Variants in DPF1 observed in about 807,000 individuals in gnomAD.
The protein encoded by DPF1 is double PHD fingers 1.
DPF1 carries 14 observed loss-of-function variants against 58.7 expected under a neutral mutation model. The ratio of observed to expected loss-of-function variants is 0.24; its 90% CI spans 0.16 to 0.37. The LOEUF (loss-of-function observed/expected upper bound fraction) is 0.37. Among genes scored for constraint, DPF1 ranks in the 10% least tolerant of loss-of-function variants. DPF1 has a pLI of 1.00. For synonymous variants in DPF1, 216 were observed against 216.0 expected, an observed-to-expected ratio of 1.00 and a Z score of 0.00; for missense variants, 345 against 529.9, an observed-to-expected ratio of 0.65 and a Z score of 3.43.
chr19:38,211,746 C>A lies in DPF1; in HGVS notation c.*317G>T, dbSNP rs1374542021. The A allele has an allele frequency of 1.2e-5, 4 of 334,704 alleles. No homozygotes were observed. The highest frequency in any genetic ancestry group is 9.4e-5 in the East Asian group (2 of 21,334). The allele number at this position is 334,704 out of a possible 1,614,324, so 20.7% of individuals were successfully genotyped here. ...TTTTGTCTTTTTCTTTAGAAAAAGG[C>A]TCTGTCCATGCCCCTGGCTGGCACC... On this transcript the variant is annotated 3_prime_UTR_variant, in exon 12 of 12. Transcript: ENST00000355526. This position sits in a 1 kb window ranked among gnomAD's most constrained non-coding sequence, Gnocchi z 4.0.
chr19:38,226,529 C>CACAT (rs1836602495), upstream of DPF1, among the ~76,000 whole-genome samples: 3 of 150,894 alleles, frequency 2.0e-5, no homozygotes, highest in Non-Finnish European at 4.4e-5. Context: ...CACACACACA[C>CACAT]ACACACACAC....
At chr19:38,219,310 T>C in intron 3 of DPF1, 1 of 524,950 alleles carries the variant, frequency 1.9e-6, no homozygotes, top group Non-Finnish European at 3.4e-6. Flanking sequence ...AAGACACAGT[T>C]AGGCCATCAG....
In DPF1 at chr19:38,223,025, G is replaced by A. The variant is rs371764923; in HGVS notation, c.30-317C>T. ...CAACACAAATCACACACAGTCACAC[G>A]GGATTCACACACAAAGAGAGACAAA... On this transcript the variant is annotated intron_variant, in intron 1 of 11. Transcript: ENST00000355526. 2.0e-5 allele frequency: 7 copies of A among 358,764 alleles called. No individual in the cohort carries two copies. The South Asian group carries it at 2.7e-4, about 14-fold the overall frequency. The allele number at this position is 358,764 out of a possible 1,614,324, so 22.2% of individuals were successfully genotyped here.
chr19:38,212,030 C>T lies in DPF1; in HGVS notation c.*33G>A, dbSNP rs769468464. 3 of 1,597,950 alleles carry T rather than the reference C, an allele frequency of 1.9e-6. No individual in the cohort carries two copies. The highest frequency in any genetic ancestry group is 2.3e-5 in the South Asian group (2 of 88,538). ...GAGCTCGGAGAGGCAGGTAGGCGAG[C>T]ACCACCCCAGAGTCGCGGCGAGCCG... On this transcript the variant is annotated 3_prime_UTR_variant, in exon 12 of 12. Transcript: ENST00000355526.
At position 38,222,253 on chromosome 19, in the gene DPF1, C is replaced by T; in HGVS notation, c.298+104G>A. ...GCACATGGGCAGACAGACACACAGCCAGCCAGGCAGACACTTGCTAGAAGG... is the reference window on the plus strand; with the variant it reads ...GCACATGGGCAGACAGACACACAGCTAGCCAGGCAGACACTTGCTAGAAGG... On this transcript the variant is annotated intron_variant, in intron 3 of 11. Transcript: ENST00000355526. The surrounding 1 kb of genome is among the most constrained non-coding windows in gnomAD (Gnocchi z 4.9). 1 of 1,045,518 alleles carries T rather than the reference C, an allele frequency of 9.6e-7. No individual in the cohort carries two copies. Among genetic ancestry groups the T allele is most frequent in the Non-Finnish European group, 1.4e-6 (1 of 714,928 alleles). 64.8% of individuals were successfully genotyped at this position (1,045,518 alleles called of 1,614,324 possible). A position where few individuals can be genotyped will look rare whatever the true frequency, so the allele number is the denominator to read the frequency against.
At chr19:38,228,654 G>A (rs947606321), upstream of DPF1, 1 of 152,440 alleles carries the variant, frequency 6.6e-6, no homozygotes, top group Non-Finnish European at 1.5e-5. Context: ...GGTGGGGAGC[G>A]CTGGGACGTG....
Position 38,217,822 on chromosome 19 carries a change from G to A in DPF1, c.571C>T (p.Arg191Ter), listed in dbSNP as rs781399025. The change falls in exon 6 of 12, where the codon CGA becomes TGA. Residue 191 changes from arginine to a stop codon, truncating the protein, a stop_gained. Coordinates refer to ENST00000355526, the MANE Select transcript of DPF1 (RefSeq NM_001135155.3). LOFTEE classifies it high-confidence loss of function. Reference protein sequence around the residue: ...KRQDTASLEDRDKPYVCDICG... With the variant: ...KRQDTASLED Reference sequence around the variant, plus strand: ...CTATCACAGACATACGGCTTGTCTCGGTCCTCCAGGGAAGCGGTGTCCTGG... The same window carrying A: ...CTATCACAGACATACGGCTTGTCTCAGTCCTCCAGGGAAGCGGTGTCCTGG... The A allele has an allele frequency of 6.2e-7, 1 of 1,613,984 alleles. No homozygotes were observed. The highest frequency in any genetic ancestry group is 8.5e-7 in the Non-Finnish European group (1 of 1,180,004).
intron 7 of DPF1, among the ~76,000 whole-genome samples, chr19:38,216,964 G>T (rs1967066199): frequency 6.6e-6 from 1 of 152,210 alleles, no homozygotes; most frequent in Non-Finnish European, 1.5e-5. Flanking sequence ...AGGTGCGTGG[G>T]TGTGTAGTGG....
chr19:38,227,830 C>G (rs1208557488), upstream of DPF1: 7 of 152,318 alleles, frequency 4.6e-5, no homozygotes, highest in African/African-American at 1.7e-4. Context: ...CTCCTTCTCC[C>G]CAGGGGATTT....
At chr19:38,216,308 G>A (rs755022549) in intron 8 of DPF1, 45 bp downstream of exon 8, 17 of 1,608,878 alleles carry the variant, frequency 1.1e-5, no homozygotes, top group African/African-American at 6.7e-5. Flanking sequence ...AGGGCACCCC[G>A]CAAAGGTGGC....
chr19:38,215,570 T>C (rs1966957471), intron 9 of DPF1, among the ~76,000 whole-genome samples: 1 of 152,158 alleles, frequency 6.6e-6, no homozygotes, highest in Non-Finnish European at 1.5e-5. Flanking sequence ...CCCGAGTAGC[T>C]GGGGCTAATG....
Position 38,222,971 on chromosome 19 carries a change from G to A in DPF1, c.30-263C>T. 1 of 487,688 alleles carries A rather than the reference G, an allele frequency of 2.1e-6. No homozygotes were observed. Among genetic ancestry groups the A allele is most frequent in the Non-Finnish European group, 3.6e-6 (1 of 278,326 alleles). 30.2% of individuals were successfully genotyped at this position (487,688 alleles called of 1,614,324 possible). A position where few individuals can be genotyped will look rare whatever the true frequency, so the allele number is the denominator to read the frequency against. On this transcript the variant is annotated intron_variant, in intron 1 of 11. Transcript: ENST00000355526. The surrounding 1 kb of genome is among the most constrained non-coding windows in gnomAD (Gnocchi z 4.9). ...GAAACAAACAAAAACACACCGGGAC[G>A]TATCCCTACCTGAACACATGCAGAC...
chr19:38,219,398 G>A (rs535609147), intron 3 of DPF1: 10 of 268,656 alleles, frequency 3.7e-5, no homozygotes, highest in South Asian at 3.2e-4. Context: ...CCAGACACTC[G>A]CAGAGGAGAC....
At chr19:38,225,578 A>G (rs1312633465), upstream of DPF1, among the ~76,000 whole-genome samples, 1 of 149,280 alleles carries the variant, frequency 6.7e-6, no homozygotes, top group Non-Finnish European at 1.5e-5. Flanking sequence ...CTAAAAGCAA[A>G]CAAACAAACA....
chr19:38,218,701 G>T (rs771786140), intron 4 of DPF1, 39 bp from the exon 5 acceptor site: 59 of 1,608,636 alleles, frequency 3.7e-5, no homozygotes, highest in Non-Finnish European at 5.0e-5. Context: ...AGAAAGTGGG[G>T]GCCACTGACC....
upstream of DPF1, among the ~76,000 whole-genome samples, chr19:38,226,861 C>T (rs1967845311): frequency 6.6e-6 from 1 of 152,064 alleles, no homozygotes; most frequent in South Asian, 2.1e-4. Flanking sequence ...TCACTCCTGC[C>T]CCACCCCAAA....
Position 38,217,892 on chromosome 19 carries a change from G to C in DPF1, c.517-16C>G, listed in dbSNP as rs923532234. On this transcript the variant is annotated splice_polypyrimidine_tract_variant and intron_variant, in intron 5 of 11. Coordinates refer to ENST00000355526, the MANE Select transcript of DPF1 (RefSeq NM_001135155.3). Reference sequence around the variant, plus strand: ...TGCCATATGCCTGTGGGGAGAGTCAGGAGTGAGGGGCCAAGAAAGTGAGAA... The same window carrying C: ...TGCCATATGCCTGTGGGGAGAGTCACGAGTGAGGGGCCAAGAAAGTGAGAA... The C allele has an allele frequency of 3.1e-6, 5 of 1,613,790 alleles. No individual in the cohort carries two copies. Among genetic ancestry groups the C allele is most frequent in the Middle Eastern group, 3.3e-4 (2 of 6,046 alleles).
At chr19:38,212,450 G>T in intron 10 of DPF1, 89 bp from the exon 11 acceptor site, 1 of 596,598 alleles carries the variant, frequency 1.7e-6, no homozygotes, top group Non-Finnish European at 3.0e-6. Context: ...TAGGTCAAGG[G>T]GGCTGGGGGA....
intron 9 of DPF1, among the ~76,000 whole-genome samples, chr19:38,214,385 G>A (rs56402040): frequency 0.012 from 1,795 of 152,252 alleles, 14 homozygotes; most frequent in South Asian, 0.022. Flanking sequence ...CTGCAACCAC[G>A]GCCCCGGTGC....
Sources: allele counts gnomAD v4.1 joint callset (sites outside exome capture counted in the v4.1 genomes callset), GRCh38; gene constraint gnomAD v4.1.1; non-coding constraint Gnocchi (gnomAD v3.1); transcripts MANE v1.5; gene names NCBI Gene and HGNC (gene_info 2026-07-23, HGNC 2026-07-21).